The following SDK1 variants were observed in gnomAD, a reference collection of about 807,000 sequenced individuals.
SDK1 encodes the protein sidekick cell adhesion molecule 1, also known as protein sidekick-1.
In SDK1, 157 loss-of-function variants were observed where a neutral mutation model predicts 245.5. The ratio of observed to expected loss-of-function variants is 0.64; its 90% CI spans 0.56 to 0.73. The LOEUF is 0.73. Among genes scored for constraint, SDK1 ranks in the 30% least tolerant of loss-of-function variants. The pLI is 0.00. For missense variants in SDK1, 3,583 were observed against 3,002.3 expected (o/e 1.19, Z -4.52); for synonymous variants, 1,647 against 1,278.5 (o/e 1.29, Z -6.15).
At position 4,132,420 on chromosome 7, in the gene SDK1, C is replaced by T; in HGVS notation, c.4225C>T (p.Leu1409=). 6.2e-7 allele frequency: 1 copy of T among 1,609,196 alleles called. No individual in the cohort carries two copies. Among genetic ancestry groups the T allele is most frequent in the Non-Finnish European group, 8.5e-7 (1 of 1,177,102 alleles). ...QPPEEPNGII[L]GYQIAYRLAS... is the part of the protein sequence containing the mutation. ...TCCGGAGGAGCCCAACGGCATCATC[C>T]TGGGTAAGGGAGCGGCGGTGGCCGG... Residue 1409 remains leucine (L), a synonymous_variant, in exon 28 of 45, where the codon CTG becomes TTG. Coordinates refer to ENST00000404826, the MANE Select transcript of SDK1 (RefSeq NM_152744.4).
rs188780292 is a variant in SDK1 at position 3,671,638 on chromosome 7, A to G, written c.713+29533A>G. On this transcript the variant is annotated intron_variant, in intron 4 of 44. Coordinates refer to ENST00000404826, the MANE Select transcript of SDK1 (RefSeq NM_152744.4). Reference sequence around the variant, plus strand: ...AATCCAAGTGAAGAGTGTTTAAAATAAACTTGTGTTTCTCCAGGAAGTTAA... The same window carrying G: ...AATCCAAGTGAAGAGTGTTTAAAATGAACTTGTGTTTCTCCAGGAAGTTAA... 2.8e-3 allele frequency among the ~76,000 whole-genome samples: 434 copies of G among 152,352 alleles called. 3 individuals carry two copies. The highest frequency in any genetic ancestry group is 0.016 in the South Asian group (79 of 4,830).
Position 4,237,637 on chromosome 7 carries a change from T to C in SDK1, c.5993-10T>C, listed in dbSNP as rs760734075. ...CCCCATGTCATTGTGTGTCCGTGTC[T>C]TTTCCACAGCTCAAGTGGAAGCCCC... On this transcript the variant is annotated splice_polypyrimidine_tract_variant and intron_variant, in intron 41 of 44. Transcript: ENST00000404826. 6.2e-7 allele frequency: 1 copy of C among 1,614,134 alleles called. No homozygotes were observed. The highest frequency in any genetic ancestry group is 1.7e-5 in the Admixed American group (1 of 60,012).
At chr7:3,393,075 A>G (rs925122733) in intron 1 of SDK1, among the ~76,000 whole-genome samples, 3 of 145,154 alleles carry the variant, frequency 2.1e-5, no homozygotes, top group Admixed American at 1.4e-4. Context: ...GGTTCAAGCG[A>G]TTGTCCTGTC....
intron 35 of SDK1, among the ~76,000 whole-genome samples, chr7:4,190,906 G>C (rs1468993437): frequency 6.6e-6 from 1 of 152,210 alleles, no homozygotes; most frequent in Non-Finnish European, 1.5e-5. Context: ...CCGGAGGGTG[G>C]AGGGCGGGGA....
chr7:3,814,310 C>G (rs1368373363), intron 4 of SDK1, among the ~76,000 whole-genome samples: 1 of 147,968 alleles, frequency 6.8e-6, no homozygotes, highest in Non-Finnish European at 1.5e-5. Flanking sequence ...GGAAGGGATC[C>G]AGTTTCAGCT....
intron 1 of SDK1, among the ~76,000 whole-genome samples, chr7:3,407,214 G>C (rs1779078820): frequency 1.3e-5 from 2 of 152,156 alleles, no homozygotes; most frequent in Admixed American, 1.3e-4. Flanking sequence ...GCACTTTCTG[G>C]AACTTTGCGT....
rs538549619 is a variant in SDK1, at chr7:3,473,880, G to A, written c.299-145200G>A. Among the ~76,000 whole-genome samples, 159 of 151,964 alleles carry A rather than the reference G, an allele frequency of 1.0e-3. No homozygotes were observed. In the South Asian group the frequency reaches 0.018, roughly 17 times the overall value. ...TTTTTTCCTCTCCAAATTCGCGTAT[G>A]TTCCTAGCTACCACAGCAGTGAAGG... On this transcript the variant is annotated intron_variant, in intron 1 of 44. Coordinates refer to ENST00000404826, the MANE Select transcript of SDK1 (RefSeq NM_152744.4).
chr7:4,237,559 C>G (rs1391829427), intron 41 of SDK1, 88 bp from the exon 42 acceptor site: 1 of 1,497,924 alleles, frequency 6.7e-7, no homozygotes, highest in Admixed American at 1.7e-5. Context: ...TCTACCCCAG[C>G]CTTCCCTGCC....
At chr7:3,827,523 A>G (rs895058896) in intron 5 of SDK1, among the ~76,000 whole-genome samples, 1 of 152,222 alleles carries the variant, frequency 6.6e-6, no homozygotes, top group Non-Finnish European at 1.5e-5. Flanking sequence ...TGAGAGATAA[A>G]TGATTTTATA....
At chr7:3,800,304 A>G (rs1214537134) in intron 4 of SDK1, among the ~76,000 whole-genome samples, 1 of 152,094 alleles carries the variant, frequency 6.6e-6, no homozygotes, top group African/African-American at 2.4e-5. Context: ...ATTGGTGAGC[A>G]TTTCTACCCT....
intron 1 of SDK1, among the ~76,000 whole-genome samples, chr7:3,434,832 G>T (rs1000369113): frequency 1.3e-5 from 2 of 152,106 alleles, no homozygotes; most frequent in African/African-American, 4.8e-5. Context: ...CACCCTAGTG[G>T]AGCCTGCCAA....
chr7:3,508,211 C>G (rs889694568), intron 1 of SDK1, among the ~76,000 whole-genome samples: 1 of 151,720 alleles, frequency 6.6e-6, no homozygotes, highest in East Asian at 1.9e-4. Flanking sequence ...GTTTCAGATT[C>G]ATGTGGACAG....
chr7:4,218,299 A>G (rs538802887), intron 38 of SDK1, among the ~76,000 whole-genome samples: 1 of 152,308 alleles, frequency 6.6e-6, no homozygotes, highest in East Asian at 1.9e-4. Context: ...AGGCTAAGGC[A>G]GGAGAATCGC....
chr7:4,079,711 C>A, intron 22 of SDK1, 127 bp downstream of exon 22: 2 of 1,353,650 alleles, frequency 1.5e-6, no homozygotes, highest in Non-Finnish European at 2.0e-6. Context: ...AGAGGGAGAA[C>A]CAGGGGCTGG....
At chr7:4,027,971 G>C (rs1400911387) in intron 17 of SDK1, among the ~76,000 whole-genome samples, 1 of 151,890 alleles carries the variant, frequency 6.6e-6, no homozygotes, top group Non-Finnish European at 1.5e-5. Flanking sequence ...TGGAGGAGGG[G>C]AGGGAGAGAG....
chr7:3,656,047 T>G (rs748571318), intron 4 of SDK1, among the ~76,000 whole-genome samples: 1 of 152,236 alleles, frequency 6.6e-6, no homozygotes, highest in Non-Finnish European at 1.5e-5. Flanking sequence ...GCTCACGGTG[T>G]TCTCCAATTG....
At chr7:3,973,900 G>C (rs926680863) in intron 12 of SDK1, among the ~76,000 whole-genome samples, 48 of 151,710 alleles carry the variant, frequency 3.2e-4, no homozygotes, top group African/African-American at 1.1e-3. Context: ...CACTCTTTTA[G>C]GCCAAGTGCG....
chr7:3,691,673 C>T (rs12701046), intron 4 of SDK1, among the ~76,000 whole-genome samples: 151,814 of 152,338 alleles, frequency 1, 75,650 homozygotes, highest in Middle Eastern at 1. Context: ...ACCTTGGTTG[C>T]ACAGCACCAA....
intron 4 of SDK1, among the ~76,000 whole-genome samples, chr7:3,806,279 CTAGGATGTGGATGTCCACAT>C (rs1302479743): frequency 0.027 from 3,747 of 139,128 alleles, 284 homozygotes; most frequent in South Asian, 0.048. Context: ...TAACGTATCT[CTAGGATGTGGATGTCCACAT>C]TAGGATGTGG....
Sources: allele counts gnomAD v4.1 joint callset (sites outside exome capture counted in the v4.1 genomes callset), GRCh38; gene constraint gnomAD v4.1.1; transcripts MANE v1.5; gene names NCBI Gene and HGNC (gene_info 2026-07-23, HGNC 2026-07-21).